Variants in HSD3B1 observed in about 807,000 individuals in gnomAD.
The protein encoded by HSD3B1 is 3 beta-hydroxysteroid dehydrogenase/Delta 5-->4-isomerase type 1.
Under a neutral mutation model 10.4 loss-of-function variants are expected in HSD3B1, and 11 were observed. The observed-to-expected ratio is 1.05, with a 90% confidence interval of 0.66 to 1.75. The LOEUF (loss-of-function observed/expected upper bound fraction) is 1.75, where lower values mean the gene tolerates loss of function less well. Among genes scored for constraint, HSD3B1 ranks in the 40% most tolerant of loss-of-function variants. HSD3B1 has a pLI of 0.00. For missense variants in HSD3B1, 490 were observed against 454.5 expected (o/e 1.08, Z -0.71); for synonymous variants, 217 against 185.4 (o/e 1.17, Z -1.39).
chr1:119,507,999 G>A (rs763238836), intron 2 of HSD3B1: 10 of 215,442 alleles, frequency 4.6e-5, no homozygotes, highest in Non-Finnish European at 7.5e-5. Flanking sequence ...TTACCCTGGA[G>A]ACCTCACCAA....
chr1:119,511,670 A>G lies in HSD3B1; in HGVS notation c.310+3A>G, dbSNP rs750429108. On this transcript the variant is annotated splice_donor_region_variant and intron_variant, in intron 3 of 3. Transcript: ENST00000369413. The stretch of plus-strand genomic sequence containing the variant: ...TATCATGAATGTCAATGTGAAAGGT[A>G]TGGTAGGCTGGGGAGGAGATGCAGC... The G allele has an allele frequency of 3.7e-6, 6 of 1,613,344 alleles. No homozygotes were observed. The highest frequency in any genetic ancestry group is 1.1e-5 in the South Asian group (1 of 91,052).
Position 119,514,400 on chromosome 1 carries a change from T to A in HSD3B1, c.877T>A (p.Trp293Arg). ...RWSFPLSLMYWIGFLLEIVSF... is the reference protein window; with the variant it reads ...RWSFPLSLMYRIGFLLEIVSF... Reference sequence around the variant, plus strand: ...GAGCTTTCCTTTATCCCTGATGTATTGGATTGGCTTCCTGCTGGAAATAGT... The same window carrying A: ...GAGCTTTCCTTTATCCCTGATGTATAGGATTGGCTTCCTGCTGGAAATAGT... The change falls in exon 4 of 4, where the codon TGG (tryptophan) becomes AGG (arginine). Residue 293 changes from tryptophan (W) to arginine (R), a missense_variant. Physicochemically the swap from Trp to Arg is moderately radical, Grantham distance 101. Transcript: ENST00000369413. 6.2e-7 allele frequency: 1 copy of A among 1,614,156 alleles called. No individual in the cohort carries two copies.
At chr1:119,512,729 G>A (rs2101462456) in intron 3 of HSD3B1, among the ~76,000 whole-genome samples, 1 of 152,280 alleles carries the variant, frequency 6.6e-6, no homozygotes, top group East Asian at 1.9e-4. Context: ...AAGTGTTAGA[G>A]GCATCTGTTT....
At chr1:119,507,364 T>C in intron 1 of HSD3B1, 28 bp from the exon 2 acceptor site, 3 of 1,066,828 alleles carry the variant, frequency 2.8e-6, no homozygotes, top group South Asian at 1.4e-5. Context: ...TCTGTGTGAG[T>C]ATATAACCAT....
chr1:119,513,487 G>A (rs587719932), intron 3 of HSD3B1, among the ~76,000 whole-genome samples: 6 of 151,810 alleles, frequency 4.0e-5, no homozygotes, highest in Admixed American at 3.3e-4. Context: ...GACTTTAATG[G>A]TACTGATTAC....
chr1:119,514,540 G>T lies in HSD3B1; in HGVS notation c.1017G>T (p.Ala339=), dbSNP rs33913717. ...ATAAGAAGGCTCAGCGAGATCTGGC[G>T]TATAAGCCACTCTACAGCTGGGAGG... ...FSYKKAQRDL[A]YKPLYSWEEA... The change falls in exon 4 of 4, where the codon GCG becomes GCT. Residue 339 remains alanine, a synonymous_variant. Coordinates refer to ENST00000369413, the MANE Select transcript of HSD3B1 (RefSeq NM_000862.3). The T allele has an allele frequency of 8.7e-6, 14 of 1,613,832 alleles. No individual in the cohort carries two copies. The African/African-American group carries it at 1.3e-4, about 15-fold the overall frequency.
intron 2 of HSD3B1, chr1:119,507,862 C>A: frequency 2.3e-6 from 1 of 434,596 alleles, no homozygotes. Context: ...GCAGCCACCT[C>A]AGCCTCCAGG....
intron 2 of HSD3B1, among the ~76,000 whole-genome samples, chr1:119,509,302 T>C (rs1310880911): frequency 6.6e-6 from 1 of 152,224 alleles, no homozygotes; most frequent in African/African-American, 2.4e-5. Flanking sequence ...ACAGCTCCTT[T>C]AGGCCTTCCT....
chr1:119,512,837 GATTA>G (rs1653975122), intron 3 of HSD3B1, among the ~76,000 whole-genome samples: 3 of 152,170 alleles, frequency 2.0e-5, no homozygotes, highest in Admixed American at 6.5e-5. Context: ...TCTGCCACAA[GATTA>G]ATTTTTGAAC....
chr1:119,507,694 G>C, intron 2 of HSD3B1, 73 bp downstream of exon 2: 1 of 1,478,872 alleles, frequency 6.8e-7, no homozygotes. Context: ...GATGGACCTT[G>C]TCTAGCAAGT....
chr1:119,509,057 A>C lies in HSD3B1; in HGVS notation c.145+1436A>C, dbSNP rs1267157508. ...ATCTGTATGAAGATAAAAACAGAGA[A>C]AGCATTCAGTGTTCTTTTTGTGCCA... On this transcript the variant is annotated intron_variant, in intron 2 of 3. Coordinates refer to ENST00000369413, the MANE Select transcript of HSD3B1 (RefSeq NM_000862.3). 2.6e-5 allele frequency among the ~76,000 whole-genome samples: 4 copies of C among 152,324 alleles called. No homozygotes were observed. The South Asian group carries it at 6.2e-4, about 24-fold the overall frequency.
At position 119,507,636 on chromosome 1, in the gene HSD3B1, G is replaced by T; in HGVS notation, c.145+15G>T. On this transcript the variant is annotated intron_variant, in intron 2 of 3. Coordinates refer to ENST00000369413, the MANE Select transcript of HSD3B1 (RefSeq NM_000862.3). ...GGAATTTTCTAGTAAGTAAACTTGG[G>T]TCATGGGTGTGTGGTTCCATCTTAA... 1 of 1,613,652 alleles carries T rather than the reference G, an allele frequency of 6.2e-7. No homozygotes were observed. Among genetic ancestry groups the T allele is most frequent in the South Asian group, 1.1e-5 (1 of 91,076 alleles).
Position 119,511,535 on chromosome 1 carries a change from G to T in HSD3B1, c.178G>T (p.Glu60Ter), listed in dbSNP as rs1266937067. ...GAACAAGACCAAGCTGACAGTGCTGGAAGGAGACATTCTGGATGAGCCATT... is the reference window on the plus strand; with the variant it reads ...GAACAAGACCAAGCTGACAGTGCTGTAAGGAGACATTCTGGATGAGCCATT... Reference protein sequence around the residue: ...LQNKTKLTVLEGDILDEPFLK... With the variant: ...LQNKTKLTVL The change falls in exon 3 of 4, where the codon GAA becomes TAA. Residue 60 changes from glutamate to a stop codon, truncating the protein, a stop_gained. Coordinates refer to ENST00000369413, the MANE Select transcript of HSD3B1 (RefSeq NM_000862.3). LOFTEE classifies it high-confidence loss of function. 1.2e-6 allele frequency: 2 copies of T among 1,613,804 alleles called. No homozygotes were observed. The highest frequency in any genetic ancestry group is 1.7e-6 in the Non-Finnish European group (2 of 1,179,800).
chr1:119,511,107 A>C (rs749320426), intron 2 of HSD3B1, among the ~76,000 whole-genome samples: 56 of 152,128 alleles, frequency 3.7e-4, no homozygotes, highest in African/African-American at 1.3e-3. Flanking sequence ...CTGGAGTCCC[A>C]AAATTATGAT....
rs1486489036 is a variant in HSD3B1 at position 119,513,821 on chromosome 1, T to C, written c.311-13T>C. 2.1e-5 allele frequency: 34 copies of C among 1,612,770 alleles called. No individual in the cohort carries two copies. Among genetic ancestry groups the C allele is most frequent in the Non-Finnish European group, 2.9e-5 (34 of 1,179,218 alleles). ...ATATATCCTGACAGTGACAATATGC[T>C]CTTCATGGACAGGTACCCAGCTCCT... is the stretch of plus-strand genomic sequence containing the variant. On this transcript the variant is annotated splice_polypyrimidine_tract_variant and intron_variant, in intron 3 of 3. Coordinates refer to ENST00000369413, the MANE Select transcript of HSD3B1 (RefSeq NM_000862.3).
intron 2 of HSD3B1, among the ~76,000 whole-genome samples, chr1:119,510,695 T>C (rs587769264): frequency 3.0e-4 from 45 of 150,978 alleles, no homozygotes; most frequent in Non-Finnish European, 5.3e-4. Context: ...GTTCCTTTTT[T>C]TGTTGTTGCT....
At chr1:119,508,380 A>C (rs1653848209) in intron 2 of HSD3B1, among the ~76,000 whole-genome samples, 2 of 152,018 alleles carry the variant, frequency 1.3e-5, no homozygotes, top group South Asian at 4.2e-4. Flanking sequence ...TAAAAAAAAA[A>C]AAACAAAACA....
At chr1:119,513,296 G>A (rs1653989401) in intron 3 of HSD3B1, among the ~76,000 whole-genome samples, 3 of 152,044 alleles carry the variant, frequency 2.0e-5, no homozygotes, top group Non-Finnish European at 4.4e-5. Flanking sequence ...TTTTATTAGA[G>A]CCCAGCAAAA....
chr1:119,510,717 C>T (rs12748374), intron 2 of HSD3B1, among the ~76,000 whole-genome samples: 4,435 of 51,088 alleles, frequency 0.087, 167 homozygotes, highest in African/African-American at 0.2. Context: ...GTGTGGTTTT[C>T]TTTTTTTTTT....
Sources: gnomAD v4.1 joint callset for allele counts (sites outside exome capture counted in the v4.1 genomes callset) on GRCh38, gnomAD v4.1.1 for gene constraint, MANE v1.5 for transcripts, NCBI Gene and HGNC (gene_info 2026-07-23, HGNC 2026-07-21) for gene names.